The following STXBP5L variants were observed in gnomAD, a reference collection of about 807,000 sequenced individuals.
The protein encoded by STXBP5L is syntaxin-binding protein 5-like.
A neutral mutation model predicts 144.5 loss-of-function variants in STXBP5L; 65 were observed. The observed-to-expected ratio is 0.45, with a 90% confidence interval of 0.37 to 0.55. STXBP5L has a LOEUF of 0.55. Ranked by LOEUF, STXBP5L falls within the 20% of genes least tolerant of loss-of-function variation. STXBP5L has a pLI of 0.00. For synonymous variants in STXBP5L, 505 were observed against 469.6 expected, an observed-to-expected ratio of 1.08 and a Z score of -0.97; for missense variants, 1,298 against 1,405.5, an observed-to-expected ratio of 0.92 and a Z score of 1.22.
intron 20 of STXBP5L, among the ~76,000 whole-genome samples, chr3:121,330,036 T>G (rs1173902339): frequency 6.6e-6 from 1 of 152,220 alleles, no homozygotes; most frequent in Non-Finnish European, 1.5e-5. Context: ...ATATTTCTGC[T>G]TCCATACATG....
At chr3:121,049,026 C>G (rs1030633014) in intron 5 of STXBP5L, among the ~76,000 whole-genome samples, 2 of 152,300 alleles carry the variant, frequency 1.3e-5, no homozygotes, top group Non-Finnish European at 2.9e-5. Context: ...CTGCTTGCTC[C>G]TTCTGTGAGC....
In STXBP5L at chr3:121,157,525, C is replaced by T; in HGVS notation, c.775C>T (p.His259Tyr). The change falls in exon 9 of 27, where the codon CAT becomes TAT. Residue 259 changes from histidine to tyrosine, a missense_variant. By Grantham distance (83) the His-to-Tyr change is moderately conservative. Coordinates refer to ENST00000471454, the MANE Select transcript of STXBP5L (RefSeq NM_001308330.2). ...YDEAIHSIDW[H>Y]HEGKQFMCSH... ...TTAGGCTATTCATTCAATTGATTGGCATCATGAGGGCAAACAGTTCATGTG... is the reference window on the plus strand; with the variant it reads ...TTAGGCTATTCATTCAATTGATTGGTATCATGAGGGCAAACAGTTCATGTG... 1 of 1,583,090 alleles carries T rather than the reference C, an allele frequency of 6.3e-7. No homozygotes were observed.
intron 9 of STXBP5L, among the ~76,000 whole-genome samples, chr3:121,172,201 A>C (rs1422203364): frequency 1.3e-5 from 2 of 152,236 alleles, no homozygotes; most frequent in African/African-American, 2.4e-5. Flanking sequence ...TGGATTAAAG[A>C]CTTAAATGTA....
chr3:121,112,155 G>A (rs2044017839), intron 5 of STXBP5L, among the ~76,000 whole-genome samples: 2 of 151,812 alleles, frequency 1.3e-5, no homozygotes, highest in Admixed American at 1.3e-4. Context: ...GTCATCTTAG[G>A]CAACAGGCAG....
chr3:121,418,626 G>T, intron 26 of STXBP5L, 69 bp downstream of exon 26: 1 of 1,455,696 alleles, frequency 6.9e-7, no homozygotes, highest in South Asian at 1.3e-5. Flanking sequence ...ATCTGCACAA[G>T]AAAGCTTAAA....
intron 20 of STXBP5L, among the ~76,000 whole-genome samples, chr3:121,333,050 C>T (rs1191445562): frequency 6.6e-6 from 1 of 152,072 alleles, no homozygotes; most frequent in South Asian, 2.1e-4. Context: ...CTTGCCACTA[C>T]CACACCAGCC....
chr3:121,031,401 C>CATCAATCA (rs10650502), intron 3 of STXBP5L, among the ~76,000 whole-genome samples: 5 of 150,954 alleles, frequency 3.3e-5, no homozygotes, highest in Admixed American at 6.6e-5. Flanking sequence ...TCTGTCTATT[C>CATCAATCA]ATCAATCAAT....
intron 7 of STXBP5L, among the ~76,000 whole-genome samples, chr3:121,141,756 G>A (rs961161693): frequency 1.1e-4 from 16 of 151,740 alleles, no homozygotes; most frequent in African/African-American, 3.6e-4. Context: ...CACACACAAA[G>A]AATGCCTAAG....
chr3:121,172,201 A>T (rs1422203364), intron 9 of STXBP5L, among the ~76,000 whole-genome samples: 2 of 152,236 alleles, frequency 1.3e-5, no homozygotes, highest in Non-Finnish European at 2.9e-5. Flanking sequence ...TGGATTAAAG[A>T]CTTAAATGTA....
intron 22 of STXBP5L, among the ~76,000 whole-genome samples, chr3:121,398,100 G>A (rs1029524350): frequency 2.6e-5 from 4 of 152,008 alleles, no homozygotes; most frequent in South Asian, 2.1e-4. Context: ...TCCCACATAC[G>A]GCACAATCAG....
intron 20 of STXBP5L, among the ~76,000 whole-genome samples, chr3:121,361,522 C>G: frequency 6.6e-6 from 1 of 151,808 alleles, no homozygotes; most frequent in East Asian, 1.9e-4. Flanking sequence ...TTTTAAATAG[C>G]CTGTCTTCAG....
At chr3:121,365,737 A>AT (rs890265434) in intron 20 of STXBP5L, among the ~76,000 whole-genome samples, 1 of 150,166 alleles carries the variant, frequency 6.7e-6, no homozygotes, top group African/African-American at 2.4e-5. Flanking sequence ...GATTTCATTG[A>AT]TTTTCTCTGT....
chr3:121,012,937 A>G (rs1169584242), intron 3 of STXBP5L, among the ~76,000 whole-genome samples: 1 of 151,980 alleles, frequency 6.6e-6, no homozygotes, highest in Non-Finnish European at 1.5e-5. Flanking sequence ...AAGTGAGAAG[A>G]TGCAGTATTT....
At chr3:120,934,468 G>A (rs1710148153) in intron 2 of STXBP5L, among the ~76,000 whole-genome samples, 1 of 152,004 alleles carries the variant, frequency 6.6e-6, no homozygotes, top group Non-Finnish European at 1.5e-5. Context: ...TGTGTGTTCT[G>A]CTGTTGTTGG....
intron 3 of STXBP5L, among the ~76,000 whole-genome samples, chr3:120,959,780 T>G (rs1057413538): frequency 2.6e-5 from 4 of 152,138 alleles, no homozygotes; most frequent in South Asian, 2.1e-4. Context: ...AATTAAATGT[T>G]AGACCTAAAA....
chr3:121,101,428 T>A (rs2043420046), intron 5 of STXBP5L, among the ~76,000 whole-genome samples: 1 of 152,090 alleles, frequency 6.6e-6, no homozygotes, highest in African/African-American at 2.4e-5. Flanking sequence ...GGATGCAAAG[T>A]TGATTCAACA....
chr3:121,074,996 A>G (rs952039811), intron 5 of STXBP5L, among the ~76,000 whole-genome samples: 2 of 152,186 alleles, frequency 1.3e-5, no homozygotes, highest in South Asian at 2.1e-4. Context: ...GCTCTGCACC[A>G]GTATTGACCA....
At chr3:121,336,395 G>A (rs1424357486) in intron 20 of STXBP5L, among the ~76,000 whole-genome samples, 1 of 152,098 alleles carries the variant, frequency 6.6e-6, no homozygotes, top group Non-Finnish European at 1.5e-5. Context: ...TACTCAGGAG[G>A]CTGAGATGGA....
At chr3:121,216,122 G>T (rs2048768916) in intron 10 of STXBP5L, among the ~76,000 whole-genome samples, 1 of 151,978 alleles carries the variant, frequency 6.6e-6, no homozygotes, top group Admixed American at 6.6e-5. Context: ...TAGCTTCCTT[G>T]CATTGGGTTA....
Sources: gnomAD v4.1 joint callset for allele counts (sites outside exome capture counted in the v4.1 genomes callset) on GRCh38, gnomAD v4.1.1 for gene constraint, MANE v1.5 for transcripts, NCBI Gene and HGNC (gene_info 2026-07-23, HGNC 2026-07-21) for gene names.